The following ZNF90 variants were observed in gnomAD, a reference collection of about 807,000 sequenced individuals.
The protein encoded by ZNF90 is zinc finger protein 90.
ZNF90 carries 11 observed loss-of-function variants against 12.0 expected under a neutral mutation model. That is an observed-to-expected ratio of 0.92 (90% CI 0.58 to 1.52). The LOEUF (loss-of-function observed/expected upper bound fraction) is 1.52, where lower values mean the gene tolerates loss of function less well. Among genes scored for constraint, ZNF90 ranks in the 40% most tolerant of loss-of-function variants. ZNF90 has a pLI of 0.00. For missense variants in ZNF90, 765 were observed against 711.5 expected (o/e 1.08, Z -0.86); for synonymous variants, 232 against 240.1 (o/e 0.97, Z 0.31).
chr19:20,083,864 C>T (rs1336415480), intron 1 of ZNF90, among the ~76,000 whole-genome samples: 1 of 152,124 alleles, frequency 6.6e-6, no homozygotes, highest in African/African-American at 2.4e-5. Context: ...TCTCTCCTAC[C>T]TCATCCTCAC....
chr19:20,102,674 G>T (rs2088998971), intron 1 of ZNF90, among the ~76,000 whole-genome samples: 1 of 152,184 alleles, frequency 6.6e-6, no homozygotes, highest in Non-Finnish European at 1.5e-5. Context: ...TGTTGAACAT[G>T]AAAAGATATG....
At position 20,118,639 on chromosome 19, in the gene ZNF90, T is replaced by C; in HGVS notation, c.1085T>C (p.Ile362Thr). 6.2e-7 allele frequency: 1 copy of C among 1,608,964 alleles called. No individual in the cohort carries two copies. Among genetic ancestry groups the C allele is most frequent in the Non-Finnish European group, 8.5e-7 (1 of 1,178,500 alleles). ...TTAGTCCTTCGTACACATAAGAGAA[T>C]TCATACTGGAGAGAAACCCTACAAG... ...RSLVLRTHKR[I>T]HTGEKPYKCD... Residue 362 changes from isoleucine to threonine, a missense_variant, in exon 4 of 4, where the codon ATT (isoleucine) becomes ACT (threonine). Transcript: ENST00000418063.
chr19:20,084,107 G>A (rs140020825), intron 1 of ZNF90, among the ~76,000 whole-genome samples: 2,310 of 151,638 alleles, frequency 0.015, 54 homozygotes, highest in African/African-American at 0.053. Flanking sequence ...AGGCTGGAGT[G>A]CAGTGGTGCG....
At chr19:20,101,079 C>T (rs182546210) in intron 1 of ZNF90, among the ~76,000 whole-genome samples, 13 of 152,184 alleles carry the variant, frequency 8.5e-5, no homozygotes, top group African/African-American at 2.4e-4. Flanking sequence ...CACTTGCCGT[C>T]GACCACTGCT....
At chr19:20,097,161 A>T (rs1262383035) in intron 1 of ZNF90, among the ~76,000 whole-genome samples, 1 of 152,212 alleles carries the variant, frequency 6.6e-6, no homozygotes, top group African/African-American at 2.4e-5. Context: ...TAATTGTGTA[A>T]TAAAACAGTT....
chr19:20,088,951 T>C (rs1425206943), intron 1 of ZNF90, among the ~76,000 whole-genome samples: 1 of 152,128 alleles, frequency 6.6e-6, no homozygotes, highest in African/African-American at 2.4e-5. Context: ...TATTTGCAAA[T>C]TGAATTTTGG....
intron 3 of ZNF90, chr19:20,117,542 A>G (rs1190934824): frequency 3.1e-6 from 3 of 974,404 alleles, no homozygotes; most frequent in African/African-American, 1.8e-5. Flanking sequence ...GGCTCAAGCA[A>G]TTCTCTGCCT....
At chr19:20,107,053 G>C in intron 3 of ZNF90, 1 of 452,858 alleles carries the variant, frequency 2.2e-6, no homozygotes, top group Admixed American at 2.4e-5. Flanking sequence ...GATGAGTATG[G>C]CTCTGACTGA....
intron 1 of ZNF90, among the ~76,000 whole-genome samples, chr19:20,102,404 A>G (rs950234726): frequency 6.6e-6 from 1 of 152,174 alleles, no homozygotes; most frequent in Non-Finnish European, 1.5e-5. Context: ...TAAAATAGCC[A>G]ATCAGAATTA....
chr19:20,105,388 C>T, intron 3 of ZNF90, 72 bp downstream of exon 3: 7 of 1,230,572 alleles, frequency 5.7e-6, no homozygotes, highest in Non-Finnish European at 8.0e-6. Flanking sequence ...GAAAGCCGGT[C>T]CTTAAAATGT....
At chr19:20,116,482 G>A (rs184472317) in intron 3 of ZNF90, among the ~76,000 whole-genome samples, 21 of 152,212 alleles carry the variant, frequency 1.4e-4, no homozygotes, top group Admixed American at 1.3e-3. Context: ...AATTTATTTG[G>A]AATTTTAAAA....
chr19:20,092,668 T>G (rs985137084), intron 1 of ZNF90, among the ~76,000 whole-genome samples: 3 of 152,142 alleles, frequency 2.0e-5, no homozygotes, highest in Non-Finnish European at 4.4e-5. Context: ...AAAGGAGTTG[T>G]TGTTTTGTAG....
chr19:20,094,669 T>C (rs963296379), intron 1 of ZNF90, among the ~76,000 whole-genome samples: 2 of 152,158 alleles, frequency 1.3e-5, no homozygotes, highest in Non-Finnish European at 2.9e-5. Flanking sequence ...CAGCATGAGA[T>C]TGGGCTAGAG....
chr19:20,109,611 C>T (rs782264462), intron 3 of ZNF90, among the ~76,000 whole-genome samples: 11 of 151,714 alleles, frequency 7.3e-5, no homozygotes, highest in Non-Finnish European at 1.0e-4. Context: ...TTGTGGCTCT[C>T]GTCTGTAATC....
intron 3 of ZNF90, among the ~76,000 whole-genome samples, chr19:20,106,047 T>TC (rs1302240920): frequency 1.6e-5 from 2 of 128,868 alleles, no homozygotes; most frequent in African/African-American, 5.9e-5. Flanking sequence ...ATTTTTTCTT[T>TC]TTTTTTTTTT....
intron 3 of ZNF90, chr19:20,117,515 G>T: frequency 2.3e-6 from 2 of 873,448 alleles, no homozygotes; most frequent in Non-Finnish European, 2.7e-6. Flanking sequence ...TTGGGTCACC[G>T]CAATCTCCGC....
intron 2 of ZNF90, among the ~76,000 whole-genome samples, 199 bp from the exon 3 acceptor site, chr19:20,105,012 AAAAACAAAAC>A (rs550644569): frequency 3.3e-5 from 5 of 152,108 alleles, no homozygotes; most frequent in South Asian, 2.1e-4. Flanking sequence ...AAAACAAACA[AAAAACAAAAC>A]AAAACAAAAC....
Position 20,118,144 on chromosome 19 carries a change from G to C in ZNF90, c.590G>C (p.Gly197Ala), listed in dbSNP as rs1361144887. 1 of 1,610,686 alleles carries C rather than the reference G, an allele frequency of 6.2e-7. No homozygotes were observed. Among genetic ancestry groups the C allele is most frequent in the African/African-American group, 1.3e-5 (1 of 74,906 alleles). Reference protein sequence around the residue: ...TLATHKKIHTGEITCKCEECG... With the variant: ...TLATHKKIHTAEITCKCEECG... ...GCTACACATAAGAAAATTCATACTGGAGAGATAACCTGCAAATGTGAAGAA... is the reference window on the plus strand; with the variant it reads ...GCTACACATAAGAAAATTCATACTGCAGAGATAACCTGCAAATGTGAAGAA... The change falls in exon 4 of 4, where the codon GGA (glycine) becomes GCA (alanine). Residue 197 changes from glycine (G) to alanine (A), a missense_variant. By Grantham distance (60) the Gly-to-Ala change is moderately conservative. Coordinates refer to ENST00000418063, the MANE Select transcript of ZNF90 (RefSeq NM_007138.2).
intron 1 of ZNF90, among the ~76,000 whole-genome samples, chr19:20,085,572 C>A (rs1333524976): frequency 6.6e-6 from 1 of 152,132 alleles, no homozygotes. Context: ...TTGCATTGGT[C>A]TTATGCATTA....
Sources: gnomAD v4.1 joint callset for allele counts (sites outside exome capture counted in the v4.1 genomes callset) on GRCh38, gnomAD v4.1.1 for gene constraint, MANE v1.5 for transcripts, NCBI Gene and HGNC (gene_info 2026-07-23, HGNC 2026-07-21) for gene names.